SNTG1: variants seen among roughly 807,000 people sequenced by gnomAD.
SNTG1 encodes gamma-1-syntrophin.
In SNTG1, 39 loss-of-function variants were observed where a neutral mutation model predicts 74.7. The ratio of observed to expected loss-of-function variants is 0.52; its 90% CI spans 0.40 to 0.68. SNTG1 has a LOEUF of 0.68. Ranked by LOEUF, SNTG1 falls within the 30% of genes least tolerant of loss-of-function variation. The pLI, the probability that SNTG1 is intolerant of heterozygous loss-of-function variation, is 0.00. For synonymous variants in SNTG1, 254 were observed against 217.1 expected, an observed-to-expected ratio of 1.17 and a Z score of -1.49; for missense variants, 685 against 609.5, an observed-to-expected ratio of 1.12 and a Z score of -1.30.
At chr8:50,712,607 T>A (rs1433183005) in intron 17 of SNTG1, among the ~76,000 whole-genome samples, 8 of 152,092 alleles carry the variant, frequency 5.3e-5, no homozygotes, top group Non-Finnish European at 7.4e-5. Flanking sequence ...CATCTAGGTT[T>A]TAACCCCCAC....
At chr8:49,917,718 T>A (rs952737484) in intron 1 of SNTG1, among the ~76,000 whole-genome samples, 1 of 152,184 alleles carries the variant, frequency 6.6e-6, no homozygotes, top group Non-Finnish European at 1.5e-5. Context: ...TAATGCTTTG[T>A]TCTAGACTTT....
chr8:50,631,640 A>G (rs1488923349), intron 13 of SNTG1, among the ~76,000 whole-genome samples: 2 of 152,196 alleles, frequency 1.3e-5, no homozygotes, highest in Non-Finnish European at 2.9e-5. Context: ...TTTTTAAATA[A>G]TCCATTGATA....
At chr8:50,133,411 C>A (rs2081375761) in intron 1 of SNTG1, among the ~76,000 whole-genome samples, 1 of 152,174 alleles carries the variant, frequency 6.6e-6, no homozygotes, top group African/African-American at 2.4e-5. Context: ...TACCCAATTC[C>A]AAAGCCACTT....
chr8:50,516,593 A>G (rs1481864392), intron 9 of SNTG1, among the ~76,000 whole-genome samples: 3 of 152,236 alleles, frequency 2.0e-5, no homozygotes, highest in Admixed American at 1.3e-4. Context: ...TTTAGAGAAG[A>G]ATATAAATGA....
intron 13 of SNTG1, among the ~76,000 whole-genome samples, chr8:50,604,161 G>A (rs1222012418): frequency 2.0e-5 from 3 of 152,218 alleles, no homozygotes; most frequent in African/African-American, 7.2e-5. Flanking sequence ...GCTCATGCCT[G>A]TAATCCTAGC....
At chr8:50,516,148 C>G (rs955643319) in intron 9 of SNTG1, among the ~76,000 whole-genome samples, 1 of 152,146 alleles carries the variant, frequency 6.6e-6, no homozygotes, top group Non-Finnish European at 1.5e-5. Context: ...TGATACCCAG[C>G]AAACAGGGTC....
intron 8 of SNTG1, among the ~76,000 whole-genome samples, chr8:50,499,518 C>T (rs1299748905): frequency 6.6e-6 from 1 of 151,052 alleles, no homozygotes; most frequent in Admixed American, 6.6e-5. Context: ...ATATAGATAC[C>T]TAAATTTTTT....
intron 2 of SNTG1, among the ~76,000 whole-genome samples, chr8:50,297,531 C>G (rs2089442423): frequency 6.6e-6 from 1 of 152,014 alleles, no homozygotes; most frequent in Admixed American, 6.6e-5. Context: ...TGGGGCATTA[C>G]ACAGTAAAAT....
At chr8:49,984,751 A>G (rs1429950270) in intron 1 of SNTG1, among the ~76,000 whole-genome samples, 1 of 152,176 alleles carries the variant, frequency 6.6e-6, no homozygotes, top group Non-Finnish European at 1.5e-5. Flanking sequence ...CAGCATGCTA[A>G]GTACAGCATG....
intron 17 of SNTG1, among the ~76,000 whole-genome samples, chr8:50,737,393 G>A (rs2095531645): frequency 6.6e-6 from 1 of 152,020 alleles, no homozygotes; most frequent in Non-Finnish European, 1.5e-5. Context: ...CCAATAACAA[G>A]TTCTGAAATT....
intron 1 of SNTG1, among the ~76,000 whole-genome samples, chr8:50,164,934 G>A (rs1019609816): frequency 7.2e-5 from 11 of 152,082 alleles, no homozygotes; most frequent in African/African-American, 2.7e-4. Flanking sequence ...CTTATTTATA[G>A]GTTTTTAAAT....
At chr8:50,557,172 A>G (rs2094460851) in intron 12 of SNTG1, among the ~76,000 whole-genome samples, 2 of 150,356 alleles carry the variant, frequency 1.3e-5, no homozygotes, top group Admixed American at 6.7e-5. Flanking sequence ...CTCCTACAGT[A>G]TCAGGCGGGT....
intron 1 of SNTG1, among the ~76,000 whole-genome samples, chr8:50,037,703 TC>T (rs1818280472): frequency 1.3e-5 from 2 of 152,252 alleles, no homozygotes; most frequent in Admixed American, 1.3e-4. Context: ...TCATTAATTA[TC>T]TTGTCAAGTT....
At chr8:50,396,220 G>A (rs1170150870) in intron 3 of SNTG1, among the ~76,000 whole-genome samples, 1 of 152,170 alleles carries the variant, frequency 6.6e-6, no homozygotes, top group Admixed American at 6.5e-5. Flanking sequence ...CAATATAGAA[G>A]AGGAAATTAA....
intron 1 of SNTG1, among the ~76,000 whole-genome samples, chr8:49,992,623 T>C (rs900059662): frequency 3.3e-5 from 5 of 152,118 alleles, no homozygotes; most frequent in Non-Finnish European, 1.5e-5. Flanking sequence ...ATGGGTGGTG[T>C]TGGAAGAAAC....
At chr8:49,965,399 G>A (rs1811050605) in intron 1 of SNTG1, among the ~76,000 whole-genome samples, 1 of 152,326 alleles carries the variant, frequency 6.6e-6, no homozygotes, top group East Asian at 1.9e-4. Flanking sequence ...ATTTGCTAAT[G>A]CAACAACTCA....
intron 1 of SNTG1, among the ~76,000 whole-genome samples, chr8:50,130,013 C>G (rs1465271046): frequency 6.6e-6 from 1 of 151,960 alleles, no homozygotes; most frequent in Non-Finnish European, 1.5e-5. Context: ...AGTGGAAATT[C>G]TGTACAATAT....
chr8:50,314,686 T>A (rs1306699146), intron 2 of SNTG1, among the ~76,000 whole-genome samples: 1 of 150,248 alleles, frequency 6.7e-6, no homozygotes, highest in Non-Finnish European at 1.5e-5. Flanking sequence ...TGTTATTTCA[T>A]GAATCTGAAA....
intron 1 of SNTG1, among the ~76,000 whole-genome samples, chr8:49,938,452 G>A (rs879826320): frequency 3.3e-5 from 5 of 152,052 alleles, no homozygotes; most frequent in African/African-American, 7.2e-5. Flanking sequence ...TACATAGACA[G>A]GATTCAAATT....
Sources: gnomAD v4.1 joint callset for allele counts (sites outside exome capture counted in the v4.1 genomes callset) on GRCh38, gnomAD v4.1.1 for gene constraint, MANE v1.5 for transcripts, NCBI Gene and HGNC (gene_info 2026-07-23, HGNC 2026-07-21) for gene names.